Variants in CLOCK observed in about 807,000 individuals in gnomAD.
CLOCK encodes circadian locomoter output cycles protein kaput.
A neutral mutation model predicts 118.4 loss-of-function variants in CLOCK; 43 were observed. The ratio of observed to expected loss-of-function variants is 0.36; its 90% CI spans 0.28 to 0.47. The LOEUF is 0.47. Among genes scored for constraint, CLOCK ranks in the 20% least tolerant of loss-of-function variants. CLOCK has a pLI of 1.00. For missense variants in CLOCK, 846 were observed against 999.9 expected (o/e 0.85, Z 2.08); for synonymous variants, 326 against 339.2 (o/e 0.96, Z 0.43).
intron 21 of CLOCK, 47 bp from the exon 22 acceptor site, chr4:55,438,584 A>G (rs1316888183): frequency 6.2e-7 from 1 of 1,611,670 alleles, no homozygotes; most frequent in Non-Finnish European, 8.5e-7. Flanking sequence ...AGTACAAGGT[A>G]TACATCATAA....
intron 8 of CLOCK, 49 bp downstream of exon 8, chr4:55,470,668 T>C (rs1165117568): frequency 7.6e-7 from 1 of 1,323,934 alleles, no homozygotes; most frequent in Non-Finnish European, 1.1e-6. Flanking sequence ...TTAGAATATT[T>C]AAAATAGGCA....
chr4:55,442,485 T>C lies in CLOCK; in HGVS notation c.2052A>G (p.Gln684=). 6.2e-7 allele frequency: 1 copy of C among 1,606,384 alleles called. No individual in the cohort carries two copies. Among genetic ancestry groups the C allele is most frequent in the Non-Finnish European group, 8.5e-7 (1 of 1,178,312 alleles). ...SMVQIPSSMP[Q]NSTQSAAVTT... is the part of the protein sequence containing the mutation. ...TTACTGCAGCACTCTGGGTGCTGTT[T>C]TGTGGCATACTAGATGGAATCTGGA... The change falls in exon 21 of 23, where the codon CAA becomes CAG. Residue 684 remains glutamine, a synonymous_variant. Transcript: ENST00000513440.
At chr4:55,448,593 CACGCGCGCGTGTGTGTGTGTGTGT>C (rs1560421148) in intron 18 of CLOCK, among the ~76,000 whole-genome samples, 162 bp downstream of exon 18, 3 of 64,894 alleles carry the variant, frequency 4.6e-5, no homozygotes, top group East Asian at 7.4e-4. Flanking sequence ...TGCGCGCGCG[CACGCGCGCGTGTGTGTGTGTGTGT>C]GTGTGTGTGT....
At chr4:55,480,300 T>C (rs1726829436) in intron 4 of CLOCK, among the ~76,000 whole-genome samples, 1 of 152,202 alleles carries the variant, frequency 6.6e-6, no homozygotes, top group South Asian at 2.1e-4. Flanking sequence ...GGTCTTACTC[T>C]GCTGCCCAGA....
chr4:55,468,073 AAG>A (rs1418959185), intron 8 of CLOCK, among the ~76,000 whole-genome samples: 1 of 152,162 alleles, frequency 6.6e-6, no homozygotes, highest in Admixed American at 6.5e-5. Context: ...TATCTCTTGA[AAG>A]AGACACTTAC....
chr4:55,531,768 A>G (rs1730569063), intron 1 of CLOCK, among the ~76,000 whole-genome samples: 1 of 151,380 alleles, frequency 6.6e-6, no homozygotes, highest in South Asian at 2.1e-4. Flanking sequence ...CTTCCAAAGA[A>G]CTAAAATGGG....
chr4:55,530,527 C>G (rs1224786053), intron 1 of CLOCK, among the ~76,000 whole-genome samples: 3 of 151,922 alleles, frequency 2.0e-5, no homozygotes, highest in Non-Finnish European at 4.4e-5. Context: ...ATAATCCCAG[C>G]ACTTTGGGAG....
intron 17 of CLOCK, 53 bp from the exon 18 acceptor site, chr4:55,448,921 T>A: frequency 7.7e-7 from 1 of 1,303,512 alleles, no homozygotes; most frequent in Non-Finnish European, 1.1e-6. Context: ...CATACATGAG[T>A]ACTTCCAGCA....
chr4:55,482,588 TTATAC>T (rs1355253698), intron 4 of CLOCK, 146 bp downstream of exon 4: 2 of 551,552 alleles, frequency 3.6e-6, no homozygotes, highest in Non-Finnish European at 6.2e-6. Context: ...ACTTATTTTT[TTATAC>T]TATATTTGTT....
At chr4:55,442,705 A>G (rs761963323) in intron 20 of CLOCK, 71 bp from the exon 21 acceptor site, 3 of 1,279,226 alleles carry the variant, frequency 2.3e-6, no homozygotes, top group Non-Finnish European at 3.4e-6. Flanking sequence ...GCTAGAATTC[A>G]TCATTCTAAC....
At chr4:55,460,485 G>A (rs11133385) in intron 9 of CLOCK, among the ~76,000 whole-genome samples, 46,262 of 152,034 alleles carry the variant, frequency 0.3, 7,640 homozygotes, top group East Asian at 0.58. Context: ...GTTAGAAACC[G>A]TTAACAATTT....
chr4:55,537,128 G>A (rs1377770461), intron 1 of CLOCK, among the ~76,000 whole-genome samples: 2 of 152,074 alleles, frequency 1.3e-5, no homozygotes, highest in East Asian at 1.9e-4. Context: ...TATAGACCCA[G>A]TAAGACATCA....
At chr4:55,454,952 G>A (rs1410524711) in intron 13 of CLOCK, among the ~76,000 whole-genome samples, 2 of 147,570 alleles carry the variant, frequency 1.4e-5, no homozygotes, top group African/African-American at 5.0e-5. Flanking sequence ...AGTTAATAGA[G>A]GTATCAGCTC....
chr4:55,544,162 C>CCAGA (rs1203029824), intron 1 of CLOCK, among the ~76,000 whole-genome samples: 3 of 76,364 alleles, frequency 3.9e-5, no homozygotes, highest in African/African-American at 1.7e-4. Context: ...TGAGAAACAA[C>CCAGA]CAGACACACA....
chr4:55,515,191 T>C (rs1161160013), intron 1 of CLOCK, among the ~76,000 whole-genome samples: 1 of 152,240 alleles, frequency 6.6e-6, no homozygotes, highest in Non-Finnish European at 1.5e-5. Context: ...AATATTCCTT[T>C]ATATTTTTAA....
intron 1 of CLOCK, among the ~76,000 whole-genome samples, chr4:55,514,671 T>A (rs1729377506): frequency 6.6e-6 from 1 of 152,152 alleles, no homozygotes; most frequent in East Asian, 1.9e-4. Flanking sequence ...GATCATATGA[T>A]TTGGTTTTCT....
intron 8 of CLOCK, 118 bp from the exon 9 acceptor site, chr4:55,463,923 C>A (rs1402210343): frequency 6.7e-6 from 7 of 1,042,462 alleles, no homozygotes; most frequent in Non-Finnish European, 9.6e-6. Context: ...TGAAAACCAA[C>A]AAATGTCAAG....
At position 55,448,838 on chromosome 4, in the gene CLOCK, A is replaced by C; in HGVS notation, c.1480T>G (p.Leu494Val). ...GCTTGAGACATCACTGGCTGTGTTA[A>C]TGATGAACCAACAGACTGGGAATTT... ...SINSQSVGSS[L>V]TQPVMSQATN... The change falls in exon 18 of 23, where the codon TTA becomes GTA. Residue 494 changes from leucine (L) to valine (V), a missense_variant. By Grantham distance (32) the Leu-to-Val change is conservative (BLOSUM62 1). This residue lies in a region of CLOCK where 520 missense variants were observed against 558.0 expected (regional missense o/e 0.93). Transcript: ENST00000513440. The C allele has an allele frequency of 6.2e-7, 1 of 1,613,970 alleles. No individual in the cohort carries two copies. Among genetic ancestry groups the C allele is most frequent in the Non-Finnish European group, 8.5e-7 (1 of 1,179,876 alleles).
At chr4:55,488,977 C>T (rs1727489122) in intron 3 of CLOCK, among the ~76,000 whole-genome samples, 1 of 152,190 alleles carries the variant, frequency 6.6e-6, no homozygotes, top group Non-Finnish European at 1.5e-5. Flanking sequence ...ACACAATCCT[C>T]CCACCTCAGC....
Sources: gnomAD v4.1 joint callset for allele counts (sites outside exome capture counted in the v4.1 genomes callset) on GRCh38, gnomAD v4.1.1 for gene constraint, gnomAD v4.1.1 regional missense constraint, MANE v1.5 for transcripts, NCBI Gene and HGNC (gene_info 2026-07-23, HGNC 2026-07-21) for gene names.